Variants in BIN1 observed in about 807,000 individuals in gnomAD.
The protein encoded by BIN1 is bridging integrator 1, also known as myc box-dependent-interacting protein 1.
Under a neutral mutation model 82.0 loss-of-function variants are expected in BIN1, and 53 were observed. That is an observed-to-expected ratio of 0.65 (90% CI 0.52 to 0.81). The LOEUF (loss-of-function observed/expected upper bound fraction) is 0.81, where lower values mean the gene tolerates loss of function less well. BIN1 is among the 40% of genes least tolerant of loss of function. The pLI is 0.00. For missense variants in BIN1, 642 were observed against 784.4 expected, an observed-to-expected ratio of 0.82 and a Z score of 2.17; for synonymous variants, 302 against 328.0, an observed-to-expected ratio of 0.92 and a Z score of 0.86.
In BIN1 at chr2:127,070,101, C is replaced by A. The variant is rs747993728; in HGVS notation, c.316-11G>T. On this transcript the variant is annotated splice_polypyrimidine_tract_variant and intron_variant, in intron 4 of 18. Coordinates refer to ENST00000316724, the MANE Select transcript of BIN1 (RefSeq NM_139343.3). ...CAGCAGGTCGTTGTTCTGAGACAGG[C>A]AAGAGCACGACAGTGCCACCAGGAG... 5.0e-6 allele frequency: 8 copies of A among 1,613,008 alleles called. No individual in the cohort carries two copies. In the African/African-American group the frequency reaches 8.0e-5, roughly 16 times the overall value.
chr2:127,081,232 G>A (rs913560242), intron 1 of BIN1, among the ~76,000 whole-genome samples: 11 of 152,194 alleles, frequency 7.2e-5, no homozygotes, highest in Admixed American at 3.3e-4. Context: ...AGCTCACCAC[G>A]TACAGCACCC....
chr2:127,097,332 G>GAGCGTCACCCCTCCAGGCCCAGC (rs1558882533), intron 1 of BIN1, among the ~76,000 whole-genome samples: 3 of 142,398 alleles, frequency 2.1e-5, no homozygotes, highest in African/African-American at 5.1e-5. Flanking sequence ...CCAGGCCCAG[G>GAGCGTCACCCCTCCAGGCCCAGC]AGCGTCACCC....
chr2:127,061,416 C>T lies in BIN1; in HGVS notation c.857+699G>A, dbSNP rs570777939. 3.3e-5 allele frequency among the ~76,000 whole-genome samples: 5 copies of T among 152,314 alleles called. No individual in the cohort carries two copies. The South Asian group carries it at 6.2e-4, about 19-fold the overall frequency. ...TTACAGAGTCCATCGGTGTTCTCTGCGTTCTGCTGTGATATGTGTGTGGGT... is the reference window on the plus strand; with the variant it reads ...TTACAGAGTCCATCGGTGTTCTCTGTGTTCTGCTGTGATATGTGTGTGGGT... On this transcript the variant is annotated intron_variant, in intron 10 of 18. Coordinates refer to ENST00000316724, the MANE Select transcript of BIN1 (RefSeq NM_139343.3).
chr2:127,100,197 G>A (rs544965503), intron 1 of BIN1, among the ~76,000 whole-genome samples: 4 of 152,282 alleles, frequency 2.6e-5, no homozygotes, highest in South Asian at 2.1e-4. Flanking sequence ...CCTCATTTGC[G>A]TGCATGAACC....
intron 1 of BIN1, among the ~76,000 whole-genome samples, chr2:127,106,456 A>T (rs13417002): frequency 6.6e-6 from 1 of 152,152 alleles, no homozygotes; most frequent in Non-Finnish European, 1.5e-5. Flanking sequence ...GCGCCGGCCC[A>T]GCCTAGGTTG....
At chr2:127,065,412 G>A (rs1336532748) in intron 7 of BIN1, among the ~76,000 whole-genome samples, 1 of 152,126 alleles carries the variant, frequency 6.6e-6, no homozygotes, top group East Asian at 1.9e-4. Context: ...CCGTCTCCAG[G>A]CTATGGCTGG....
rs1463523428 is a variant in BIN1, at chr2:127,076,614, A to C, written c.165+12T>G. On this transcript the variant is annotated intron_variant, in intron 2 of 18. Coordinates refer to ENST00000316724, the MANE Select transcript of BIN1 (RefSeq NM_139343.3). ...CACAAACTCCCTAAGGCCAAGGGCC[A>C]CCCACACTCACCAGCTGCTTGTTGA... 4.3e-6 allele frequency: 7 copies of C among 1,613,934 alleles called. No individual in the cohort carries two copies. The highest frequency in any genetic ancestry group is 5.9e-6 in the Non-Finnish European group (7 of 1,180,030).
chr2:127,084,446 C>T (rs532362048), intron 1 of BIN1, among the ~76,000 whole-genome samples: 13 of 152,356 alleles, frequency 8.5e-5, no homozygotes, highest in African/African-American at 1.2e-4. Context: ...CATCTCCAGG[C>T]GCTTCCTTAC....
intron 1 of BIN1, among the ~76,000 whole-genome samples, chr2:127,088,929 T>C (rs35832505): frequency 0.13 from 20,283 of 151,660 alleles, 1,485 homozygotes; most frequent in Non-Finnish European, 0.17. Context: ...GGCCCTGAGG[T>C]GGACGGGAGG....
chr2:127,080,172 C>T (rs1687112506), intron 1 of BIN1, among the ~76,000 whole-genome samples: 2 of 152,218 alleles, frequency 1.3e-5, no homozygotes, highest in South Asian at 4.1e-4. Context: ...CCTGGTGTGG[C>T]TACCACAGGG....
intron 8 of BIN1, 105 bp downstream of exon 8, chr2:127,063,828 G>GT (rs1684814459): frequency 6.7e-7 from 1 of 1,491,892 alleles, no homozygotes; most frequent in Non-Finnish European, 9.3e-7. Flanking sequence ...CACGCAGACT[G>GT]GACACCGCAG....
chr2:127,083,581 T>C (rs771966491), intron 1 of BIN1, among the ~76,000 whole-genome samples: 3 of 152,188 alleles, frequency 2.0e-5, no homozygotes, highest in Non-Finnish European at 4.4e-5. Context: ...AAATGTATTT[T>C]AAAATACCAT....
At chr2:127,048,794 C>A (rs1682501208) in intron 18 of BIN1, among the ~76,000 whole-genome samples, 161 bp from the exon 19 acceptor site, 1 of 152,224 alleles carries the variant, frequency 6.6e-6, no homozygotes, top group Non-Finnish European at 1.5e-5. Flanking sequence ...GGCAGCACTC[C>A]CTGATGCTGC....
At position 127,081,736 on chromosome 2, in the gene BIN1, A is replaced by C. The variant is rs1243415464; in HGVS notation, c.85-5030T>G. The C allele has an allele frequency of 6.7e-6, 8 of 1,201,062 alleles. No homozygotes were observed. The African/African-American group carries it at 7.6e-5, about 11-fold the overall frequency. 74.4% of individuals were successfully genotyped at this position (1,201,062 alleles called of 1,614,324 possible). ...GCAGAGTTCCCAACACCCCACCCCC[A>C]CACACACATGGAAGGGGGACCTCAT... On this transcript the variant is annotated intron_variant, in intron 1 of 18. Coordinates refer to ENST00000316724, the MANE Select transcript of BIN1 (RefSeq NM_139343.3).
At chr2:127,100,983 C>A (rs1213286699) in intron 1 of BIN1, among the ~76,000 whole-genome samples, 1 of 109,572 alleles carries the variant, frequency 9.1e-6, no homozygotes, top group African/African-American at 4.2e-5. Context: ...GAGACTTGCC[C>A]AAGGGTAGGA....
intron 14 of BIN1, chr2:127,052,630 G>A (rs1683111683): frequency 9.8e-6 from 5 of 511,420 alleles, no homozygotes; most frequent in Middle Eastern, 5.2e-4. Flanking sequence ...GCTCGCACCA[G>A]GCTGGCTCTT....
At chr2:127,086,203 G>T (rs1233455402) in intron 1 of BIN1, among the ~76,000 whole-genome samples, 1 of 152,178 alleles carries the variant, frequency 6.6e-6, no homozygotes, top group Admixed American at 6.5e-5. Context: ...ATGAGCTCTA[G>T]AGCCAGGATG....
In BIN1 at chr2:127,063,555, G is replaced by T. The variant is rs1482374716; in HGVS notation, c.774+16C>A. The T allele has an allele frequency of 6.2e-7, 1 of 1,612,830 alleles. No homozygotes were observed. Among genetic ancestry groups the T allele is most frequent in the African/African-American group, 1.3e-5 (1 of 74,888 alleles). ...AGGGTGGGGTGTGGCCCCTCAGAGGGGTCCCCATGGCCTACCTTGCTCATC... is the reference window on the plus strand; with the variant it reads ...AGGGTGGGGTGTGGCCCCTCAGAGGTGTCCCCATGGCCTACCTTGCTCATC... On this transcript the variant is annotated intron_variant, in intron 9 of 18. Transcript: ENST00000316724.
intron 1 of BIN1, among the ~76,000 whole-genome samples, chr2:127,083,264 G>A (rs560460606): frequency 1.3e-5 from 2 of 151,986 alleles, no homozygotes; most frequent in African/African-American, 4.8e-5. Flanking sequence ...ACTTTTTGTA[G>A]AGACAGGGCC....
Sources: allele counts gnomAD v4.1 joint callset (sites outside exome capture counted in the v4.1 genomes callset), GRCh38; gene constraint gnomAD v4.1.1; transcripts MANE v1.5; gene names NCBI Gene and HGNC (gene_info 2026-07-23, HGNC 2026-07-21).